RFWD3: variants seen among roughly 807,000 people sequenced by gnomAD.
RFWD3 encodes E3 ubiquitin-protein ligase RFWD3.
A neutral mutation model predicts 87.7 loss-of-function variants in RFWD3; 65 were observed. The ratio of observed to expected loss-of-function variants is 0.74; its 90% CI spans 0.61 to 0.91. The LOEUF (loss-of-function observed/expected upper bound fraction) is 0.91. Ranked by LOEUF, RFWD3 falls within the 40% of genes least tolerant of loss-of-function variation. The pLI, the probability that RFWD3 is intolerant of heterozygous loss-of-function variation, is 0.00. For synonymous variants in RFWD3, 433 were observed against 352.8 expected, an observed-to-expected ratio of 1.23 and a Z score of -2.55; for missense variants, 1,078 against 938.5, an observed-to-expected ratio of 1.15 and a Z score of -1.94.
rs1263565442 is a variant in RFWD3, at chr16:74,628,466, A to G, written c.1955T>C (p.Val652Ala). 1.9e-6 allele frequency: 3 copies of G among 1,614,130 alleles called. No individual in the cohort carries two copies. In the Admixed American group the frequency reaches 5.0e-5, roughly 27 times the overall value. The change falls in exon 11 of 13, where the codon GTG becomes GCG. Residue 652 changes from valine to alanine, a missense_variant. Transcript: ENST00000361070. ...QTENSSRHCLVTYRPDKNHTT... is the reference protein window; with the variant it reads ...QTENSSRHCLATYRPDKNHTT... ...GCACTACTTACCAGGCCTGTAGGTC[A>G]CAAGACAGTGCCGGGAGCTGTTCTC...
At chr16:74,647,644 C>CCT (rs1960254159) in intron 4 of RFWD3, among the ~76,000 whole-genome samples, 8 of 152,036 alleles carry the variant, frequency 5.3e-5, no homozygotes, top group Admixed American at 2.0e-4. Context: ...CAAGCTAGAG[C>CCT]GCAGTGACGC....
rs1307743148 is a variant in RFWD3 at position 74,650,996 on chromosome 16, T to C, written c.721+924A>G. On this transcript the variant is annotated intron_variant, in intron 3 of 12. Coordinates refer to ENST00000361070, the MANE Select transcript of RFWD3 (RefSeq NM_018124.4). The stretch of plus-strand genomic sequence containing the variant: ...AATATATTCCTGACCCTTTATTTAC[T>C]AGTTTTTGGAGTAATTAGTTGGGGT... 2.1e-5 allele frequency among the ~76,000 whole-genome samples: 2 copies of C among 95,446 alleles called. 1 individual carries two copies. Among genetic ancestry groups the C allele is most frequent in the Middle Eastern group, 9.6e-3 (2 of 208 alleles). The allele number at this position is 95,446 out of a possible 152,430, so 62.6% of individuals were successfully genotyped here. A position where few individuals can be genotyped will look rare whatever the true frequency, so the allele number is the denominator to read the frequency against.
intron 2 of RFWD3, among the ~76,000 whole-genome samples, chr16:74,653,906 C>T (rs4888266): frequency 0.71 from 108,476 of 152,064 alleles, 39,300 homozygotes; most frequent in African/African-American, 0.84. Context: ...TTTTTGACCT[C>T]TTAAAAAAAG....
At chr16:74,650,683 CCTTCAAG>C (rs1331351351) in intron 3 of RFWD3, among the ~76,000 whole-genome samples, 1 of 151,262 alleles carries the variant, frequency 6.6e-6, no homozygotes, top group African/African-American at 2.4e-5. Context: ...ATTAAAAAAA[CCTTCAAG>C]CCTGGACAAC....
At chr16:74,624,400 C>CA (rs1958859317) in intron 12 of RFWD3, among the ~76,000 whole-genome samples, 1 of 152,010 alleles carries the variant, frequency 6.6e-6, no homozygotes, top group South Asian at 2.1e-4. Context: ...GGAACTCACC[C>CA]TTTTTTTTCT....
chr16:74,631,483 A>G (rs552402774), intron 9 of RFWD3, among the ~76,000 whole-genome samples: 1 of 36,866 alleles, frequency 2.7e-5, no homozygotes, highest in African/African-American at 8.6e-5. Flanking sequence ...TCTCTCAAAA[A>G]TAAATAAATA....
rs749763107 is a variant in RFWD3 at position 74,661,242 on chromosome 16, G to A, written c.208C>T (p.Leu70Phe). 1.4e-5 allele frequency: 22 copies of A among 1,614,090 alleles called. No individual in the cohort carries two copies. The African/African-American group carries it at 2.9e-4, about 22-fold the overall frequency. ...ACAGACAGTTGCGGAGCAGGCTGGA[G>A]CAGGGGTGGTGTCGCTTGGCTGCTG... is the stretch of plus-strand genomic sequence containing the variant. ...VISSQATPPL[L>F]QPAPQLSVDL... The change falls in exon 2 of 13, where the codon CTC becomes TTC. Residue 70 changes from leucine to phenylalanine, a missense_variant. By Grantham distance (22) the Leu-to-Phe change is conservative (BLOSUM62 0). Coordinates refer to ENST00000361070, the MANE Select transcript of RFWD3 (RefSeq NM_018124.4).
chr16:74,623,768 G>A lies in RFWD3; in HGVS notation c.*160C>T. The A allele has an allele frequency of 1.5e-6, 1 of 663,854 alleles. No individual in the cohort carries two copies. Among genetic ancestry groups the A allele is most frequent in the Non-Finnish European group, 2.5e-6 (1 of 392,542 alleles). 41.1% of individuals were successfully genotyped at this position (663,854 alleles called of 1,614,324 possible). The stretch of plus-strand genomic sequence containing the variant: ...ACATAACAGATACACAATCTGTAGT[G>A]TCTCAGTGACCTAGGGTCCTAGAAT... On this transcript the variant is annotated 3_prime_UTR_variant, in exon 13 of 13. Coordinates refer to ENST00000361070, the MANE Select transcript of RFWD3 (RefSeq NM_018124.4).
At chr16:74,656,773 A>G (rs960529113) in intron 2 of RFWD3, among the ~76,000 whole-genome samples, 1 of 152,182 alleles carries the variant, frequency 6.6e-6, no homozygotes, top group African/African-American at 2.4e-5. Flanking sequence ...ACCATCCTTG[A>G]TGCCCCTAAG....
At position 74,638,041 on chromosome 16, in the gene RFWD3, G is replaced by A. The variant is rs533815079; in HGVS notation, c.1080-71C>T. On this transcript the variant is annotated intron_variant, in intron 6 of 12. Transcript: ENST00000361070. ...GAAGACTTCCCATCCAGGTGGCAGA[G>A]TTAAGTTCATGCTATGATGCACGTT... The A allele has an allele frequency of 5.6e-5, 54 of 958,656 alleles. No individual in the cohort carries two copies. In the African/African-American group the frequency reaches 8.5e-4, roughly 15 times the overall value. 59.4% of individuals were successfully genotyped at this position (958,656 alleles called of 1,614,324 possible). A position where few individuals can be genotyped will look rare whatever the true frequency, so the allele number is the denominator to read the frequency against.
rs1450448896 is a variant in RFWD3, at chr16:74,644,781, CA to C, written c.793-47del. On this transcript the variant is annotated intron_variant, in intron 4 of 12. Coordinates refer to ENST00000361070, the MANE Select transcript of RFWD3 (RefSeq NM_018124.4). ...ATTCAAATTAGAGAAAATGTAAAAT[CA>C]ATCTTGAAGAAGATGTGCAACTAAG... 4 of 1,553,184 alleles carry C rather than the reference CA, an allele frequency of 2.6e-6. No homozygotes were observed. In the East Asian group the frequency reaches 9.1e-5, roughly 35 times the overall value.
chr16:74,661,504 T>C, intron 1 of RFWD3, 53 bp from the exon 2 acceptor site: 1 of 1,385,540 alleles, frequency 7.2e-7, no homozygotes. Context: ...AAACATGCTA[T>C]GTAGGTGACA....
chr16:74,638,566 T>A (rs886464227), intron 6 of RFWD3, among the ~76,000 whole-genome samples: 24 of 152,128 alleles, frequency 1.6e-4, no homozygotes, highest in Non-Finnish European at 2.9e-5. Context: ...TCCACTCCAG[T>A]AAGATATGCA....
At position 74,632,558 on chromosome 16, in the gene RFWD3, G is replaced by C; in HGVS notation, c.1542C>G (p.Leu514=). Residue 514 remains leucine, a synonymous_variant, in exon 9 of 13, where the codon CTC becomes CTG. Transcript: ENST00000361070. ...AFSSYLRGLL[L]SASLDNTIKL... Reference sequence around the variant, plus strand: ...TAATAGTGTTGTCTAGGGAAGCAGAGAGTAGCAAGCCTCTGAGGTAACTGC... The same window carrying C: ...TAATAGTGTTGTCTAGGGAAGCAGACAGTAGCAAGCCTCTGAGGTAACTGC... 9 of 1,614,108 alleles carry C rather than the reference G, an allele frequency of 5.6e-6. No homozygotes were observed. Among genetic ancestry groups the C allele is most frequent in the Non-Finnish European group, 7.6e-6 (9 of 1,179,972 alleles).
intron 8 of RFWD3, among the ~76,000 whole-genome samples, chr16:74,634,221 A>C (rs527419182): frequency 1.3e-5 from 2 of 152,292 alleles, no homozygotes; most frequent in African/African-American, 4.8e-5. Context: ...AAGATATGTC[A>C]CATCTGTCTG....
intron 12 of RFWD3, 113 bp downstream of exon 12, chr16:74,626,230 G>A: frequency 4.4e-6 from 4 of 906,536 alleles, no homozygotes; most frequent in Non-Finnish European, 7.1e-6. Context: ...TTACAGAGCA[G>A]AACTTACACT....
chr16:74,646,876 T>A (rs988805159), intron 4 of RFWD3, among the ~76,000 whole-genome samples: 3 of 151,860 alleles, frequency 2.0e-5, no homozygotes, highest in Admixed American at 2.0e-4. Flanking sequence ...ATCAAGACCA[T>A]CCTGGCTAAC....
intron 4 of RFWD3, among the ~76,000 whole-genome samples, chr16:74,647,124 G>A (rs1024278616): frequency 2.0e-5 from 3 of 151,510 alleles, no homozygotes; most frequent in African/African-American, 4.8e-5. Flanking sequence ...ACTGATAACA[G>A]AAAGCTCTCC....
At chr16:74,645,745 CTTTTTTTT>C (rs71376293) in intron 4 of RFWD3, among the ~76,000 whole-genome samples, 73 of 74,206 alleles carry the variant, frequency 9.8e-4, no homozygotes, top group African/African-American at 2.7e-3. Context: ...CAAATATTTT[CTTTTTTTT>C]TTTTTTTTTT....
Sources: allele counts gnomAD v4.1 joint callset (sites outside exome capture counted in the v4.1 genomes callset), GRCh38; gene constraint gnomAD v4.1.1; transcripts MANE v1.5; gene names NCBI Gene and HGNC (gene_info 2026-07-23, HGNC 2026-07-21).